TMX4: variants seen among roughly 807,000 people sequenced by gnomAD.
The protein encoded by TMX4 is thioredoxin related transmembrane protein 4, also known as thioredoxin-related transmembrane protein 4.
TMX4 carries 23 observed loss-of-function variants against 33.3 expected under a neutral mutation model. The observed-to-expected ratio is 0.69, with a 90% confidence interval of 0.50 to 0.98. The LOEUF is 0.98. Among genes scored for constraint, TMX4 ranks in the 50% least tolerant of loss-of-function variants. The probability of loss-of-function intolerance (pLI) is 0.00; values close to 1 mark genes in which losing one functional copy is unlikely to be tolerated. For synonymous variants in TMX4, 164 were observed against 161.5 expected (o/e 1.02, Z -0.12); for missense variants, 399 against 448.9 (o/e 0.89, Z 1.01).
intron 4 of TMX4, among the ~76,000 whole-genome samples, chr20:7,996,733 G>A (rs549979330): frequency 2.6e-5 from 4 of 152,008 alleles, no homozygotes; most frequent in South Asian, 2.1e-4. Flanking sequence ...CTTCCTGCAC[G>A]AGCAACTTCT....
rs1436607753 is a variant in TMX4, at chr20:7,978,142, G to A, written c.*4109C>T. ...AAAATGTTGGTACATTTGACAGGATGGGTCAACCACATATTCATAATACTG... is the reference window on the plus strand; with the variant it reads ...AAAATGTTGGTACATTTGACAGGATAGGTCAACCACATATTCATAATACTG... On this transcript the variant is annotated 3_prime_UTR_variant, in exon 8 of 8. Transcript: ENST00000246024. The A allele has an allele frequency of 1.3e-5, 2 of 152,154 alleles. No individual in the cohort carries two copies. Among genetic ancestry groups the A allele is most frequent in the African/African-American group, 2.4e-5 (1 of 41,420 alleles). The allele number at this position is 152,154 out of a possible 1,614,324, so 9.4% of individuals were successfully genotyped here.
chr20:7,996,905 G>C (rs552199596), intron 4 of TMX4, among the ~76,000 whole-genome samples: 2 of 151,888 alleles, frequency 1.3e-5, no homozygotes, highest in Non-Finnish European at 2.9e-5. Context: ...ACCTTTAATC[G>C]ATTAAAATCT....
chr20:8,019,378 G>T (rs1049740355), intron 1 of TMX4, 60 bp downstream of exon 1: 4 of 1,488,924 alleles, frequency 2.7e-6, no homozygotes, highest in Middle Eastern at 1.7e-4. Flanking sequence ...GGCCGCGCGG[G>T]CTTGGGAGGG....
At chr20:7,990,348 G>C (rs2050649225) in intron 5 of TMX4, among the ~76,000 whole-genome samples, 1 of 152,006 alleles carries the variant, frequency 6.6e-6, no homozygotes, top group African/African-American at 2.4e-5. Flanking sequence ...AATGTCATCT[G>C]ATGGGTGTGA....
intron 4 of TMX4, 33 bp downstream of exon 4, chr20:7,999,699 T>C (rs1470323205): frequency 6.3e-6 from 10 of 1,592,826 alleles, no homozygotes; most frequent in Non-Finnish European, 6.0e-6. Flanking sequence ...TCCTGTTTTA[T>C]TAGTAACACC....
rs1414497642 is a variant in TMX4, at chr20:7,979,632, G to A, written c.*2619C>T. 3 of 151,936 alleles carry A rather than the reference G, an allele frequency of 2.0e-5. No individual in the cohort carries two copies. The highest frequency in any genetic ancestry group is 2.9e-5 in the Non-Finnish European group (2 of 68,056). 9.4% of individuals were successfully genotyped at this position (151,936 alleles called of 1,614,324 possible). ...CACATGCCTGTAATCCCAGCTACCT[G>A]GGAGGCTGAGGCAGGAGAATCCCTT... On this transcript the variant is annotated 3_prime_UTR_variant, in exon 8 of 8. Coordinates refer to ENST00000246024, the MANE Select transcript of TMX4 (RefSeq NM_021156.4).
chr20:7,991,534 TCAAA>T (rs2050654884), intron 5 of TMX4, among the ~76,000 whole-genome samples: 1 of 152,166 alleles, frequency 6.6e-6, no homozygotes, highest in African/African-American at 2.4e-5. Context: ...ACGTTGGTGC[TCAAA>T]CAGTTTCAGA....
chr20:7,991,773 T>C (rs1246827099), intron 5 of TMX4, among the ~76,000 whole-genome samples: 1 of 151,748 alleles, frequency 6.6e-6, no homozygotes, highest in Non-Finnish European at 1.5e-5. Context: ...TCAAGCACAT[T>C]AACTAGGTAC....
At chr20:8,016,205 A>G (rs1231946957) in intron 1 of TMX4, among the ~76,000 whole-genome samples, 1 of 152,182 alleles carries the variant, frequency 6.6e-6, no homozygotes, top group Non-Finnish European at 1.5e-5. Context: ...CCTAATTCAG[A>G]AAAAGGGCAA....
intron 1 of TMX4, among the ~76,000 whole-genome samples, chr20:8,011,326 T>A (rs2050752188): frequency 2.0e-5 from 3 of 151,898 alleles, no homozygotes; most frequent in Non-Finnish European, 4.4e-5. Flanking sequence ...ACACACAAAA[T>A]GCCTTAGGAA....
At chr20:7,998,373 A>C (rs556100054) in intron 4 of TMX4, among the ~76,000 whole-genome samples, 4 of 152,128 alleles carry the variant, frequency 2.6e-5, no homozygotes, top group African/African-American at 9.6e-5. Flanking sequence ...CTTCTCCTTC[A>C]CCTTGGCCAA....
At chr20:7,993,998 T>C (rs116126958) in intron 5 of TMX4, among the ~76,000 whole-genome samples, 1,633 of 152,070 alleles carry the variant, frequency 0.011, 19 homozygotes, top group Middle Eastern at 0.027. Flanking sequence ...AATCAAAAGG[T>C]TGAAAATAGA....
rs181820942 is a variant in TMX4, at chr20:7,995,508, G to A, written c.513+518C>T. On this transcript the variant is annotated intron_variant, in intron 5 of 7. Transcript: ENST00000246024. Reference sequence around the variant, plus strand: ...GCCAGATTGTAAATATTACAGGCTTGTGAACCACAATTCTCTGTGTCTGTC... The same window carrying A: ...GCCAGATTGTAAATATTACAGGCTTATGAACCACAATTCTCTGTGTCTGTC... Among the ~76,000 whole-genome samples, 844 of 152,298 alleles carry A rather than the reference G, an allele frequency of 5.5e-3. 31 individuals are homozygous for A. Among genetic ancestry groups the A allele is most frequent in the Admixed American group, 0.05 (760 of 15,286 alleles).
rs963576864 is a variant in TMX4, at chr20:7,980,623, A to C, written c.*1628T>G. The stretch of plus-strand genomic sequence containing the variant: ...AGCTGCACTACTGTCTGAAAAGCAC[A>C]ATTACTGGTGACTCTTAACAAACTT... On this transcript the variant is annotated 3_prime_UTR_variant, in exon 8 of 8. Transcript: ENST00000246024. The C allele has an allele frequency of 1.3e-5, 2 of 152,188 alleles. No individual in the cohort carries two copies. The highest frequency in any genetic ancestry group is 2.9e-5 in the Non-Finnish European group (2 of 68,056). 9.4% of individuals were successfully genotyped at this position (152,188 alleles called of 1,614,324 possible). A position where few individuals can be genotyped will look rare whatever the true frequency, so the allele number is the denominator to read the frequency against.
At position 7,978,262 on chromosome 20, in the gene TMX4, A is replaced by T. The variant is rs1349870709; in HGVS notation, c.*3989T>A. 1 of 152,206 alleles carries T rather than the reference A, an allele frequency of 6.6e-6. No individual in the cohort carries two copies. Among genetic ancestry groups the T allele is most frequent in the Non-Finnish European group, 1.5e-5 (1 of 68,036 alleles). The allele number at this position is 152,206 out of a possible 1,614,324, so 9.4% of individuals were successfully genotyped here. A position where few individuals can be genotyped will look rare whatever the true frequency, so the allele number is the denominator to read the frequency against. ...CTCCCTCTTCTTTCTCTCACTTCAT[A>T]CTAAAGATTTTATGCTGAAATCTCA... On this transcript the variant is annotated 3_prime_UTR_variant, in exon 8 of 8. Coordinates refer to ENST00000246024, the MANE Select transcript of TMX4 (RefSeq NM_021156.4).
intron 5 of TMX4, among the ~76,000 whole-genome samples, chr20:7,992,345 G>T (rs77207048): frequency 0.014 from 2,084 of 152,260 alleles, 55 homozygotes; most frequent in East Asian, 0.065. Flanking sequence ...AATTACTTCT[G>T]TGAGTTTATA....
In TMX4 at chr20:8,001,506, C is replaced by T. The variant is rs1379639683; in HGVS notation, c.328G>A (p.Ala110Thr). The change falls in exon 3 of 8, where the codon GCA becomes ACA. Residue 110 changes from alanine to threonine, a missense_variant. By Grantham distance (58) the Ala-to-Thr change is moderately conservative (BLOSUM62 0). Transcript: ENST00000246024. The part of the protein sequence containing the change: ...SGRFFVTTLP[A>T]FFHAKDGIFR... ...ATTATTTAAACTTACTGAAAAAATGCTGGGAGAGTGGTGACAAAGAAGCGG... is the reference window on the plus strand; with the variant it reads ...ATTATTTAAACTTACTGAAAAAATGTTGGGAGAGTGGTGACAAAGAAGCGG... 7.5e-6 allele frequency: 12 copies of T among 1,598,202 alleles called. 1 individual carries two copies. The Middle Eastern group carries it at 4.9e-4, about 66-fold the overall frequency.
intron 6 of TMX4, among the ~76,000 whole-genome samples, chr20:7,987,036 T>A (rs1046664195): frequency 6.6e-6 from 1 of 151,050 alleles, no homozygotes; most frequent in Non-Finnish European, 1.5e-5. Flanking sequence ...TTTTTTTTTT[T>A]AATTACTGTC....
chr20:8,019,218 A>G (rs2050799202), intron 1 of TMX4: 4 of 537,378 alleles, frequency 7.4e-6, no homozygotes, highest in Non-Finnish European at 1.3e-5. Flanking sequence ...CCACAGCCGC[A>G]GGTCGTTGGT....
Sources: allele counts gnomAD v4.1 joint callset (sites outside exome capture counted in the v4.1 genomes callset), GRCh38; gene constraint gnomAD v4.1.1; transcripts MANE v1.5; gene names NCBI Gene and HGNC (gene_info 2026-07-23, HGNC 2026-07-21).